KCNQ1: variants seen among roughly 807,000 people sequenced by gnomAD.
KCNQ1 encodes the protein potassium voltage-gated channel subfamily Q member 1.
Under a neutral mutation model 72.4 loss-of-function variants are expected in KCNQ1, and 49 were observed. The ratio of observed to expected loss-of-function variants is 0.68; its 90% CI spans 0.54 to 0.86. KCNQ1 has a LOEUF of 0.86. KCNQ1 is among the 40% of genes least tolerant of loss of function. The pLI is 0.00. For missense variants in KCNQ1, 790 were observed against 945.1 expected, an observed-to-expected ratio of 0.84 and a Z score of 2.15; for synonymous variants, 450 against 412.6, an observed-to-expected ratio of 1.09 and a Z score of -1.10.
Position 2,488,225 on chromosome 11 carries a change from A to C in KCNQ1, c.387-39703A>C, listed in dbSNP as rs186495140. 7.9e-5 allele frequency among the ~76,000 whole-genome samples: 12 copies of C among 152,340 alleles called. No individual in the cohort carries two copies. Among genetic ancestry groups the C allele is most frequent in the Admixed American group, 7.8e-4 (12 of 15,300 alleles). On this transcript the variant is annotated intron_variant, in intron 1 of 15. Transcript: ENST00000155840. This position sits in a 1 kb window ranked among gnomAD's most constrained non-coding sequence, Gnocchi z 5.1. ...TTCCAGGACTAAATCTCACATGGTC[A>C]TGATATGTAATACTTTAACTATGTT...
rs1359933226 is a variant in KCNQ1, at chr11:2,803,549, G to C, written c.1794+25512G>C. Among the ~76,000 whole-genome samples the C allele has an allele frequency of 6.6e-6, 1 of 152,130 alleles. No homozygotes were observed. The highest frequency in any genetic ancestry group is 1.5e-5 in the Non-Finnish European group (1 of 67,996). On this transcript the variant is annotated intron_variant, in intron 15 of 15. Transcript: ENST00000155840. The surrounding 1 kb of genome is among the most constrained non-coding windows in gnomAD (Gnocchi z 6.4). ...CTTTCTCCCTGCAGGCACTGGCAGAGCTGGGGGTGATGGGGCTTCAGTGGA... is the reference window on the plus strand; with the variant it reads ...CTTTCTCCCTGCAGGCACTGGCAGACCTGGGGGTGATGGGGCTTCAGTGGA...
chr11:2,691,353 C>G lies in KCNQ1; in HGVS notation c.1514+29272C>G, dbSNP rs894183690. On this transcript the variant is annotated intron_variant, in intron 11 of 15. Coordinates refer to ENST00000155840, the MANE Select transcript of KCNQ1 (RefSeq NM_000218.3). This position sits in a 1 kb window ranked among gnomAD's most constrained non-coding sequence, Gnocchi z 6.4. The stretch of plus-strand genomic sequence containing the variant: ...CACTGCACTTACAGTGACCACCCAT[C>G]CTGACATCTTGGGCTCAGGCCTCTG... The G allele has an allele frequency of 2.5e-6, 1 of 398,520 alleles. No homozygotes were observed. The highest frequency in any genetic ancestry group is 2.1e-5 in the African/African-American group (1 of 48,630). The allele number at this position is 398,520 out of a possible 1,614,324, so 24.7% of individuals were successfully genotyped here.
intron 1 of KCNQ1, among the ~76,000 whole-genome samples, chr11:2,490,764 C>T (rs780090773): frequency 1.1e-4 from 16 of 152,218 alleles, no homozygotes; most frequent in Non-Finnish European, 2.2e-4. Flanking sequence ...TCTCAGCTCA[C>T]CGCAACCTCT....
Position 2,670,478 on chromosome 11 carries a change from C to T in KCNQ1, c.1514+8397C>T, listed in dbSNP as rs544337311. On this transcript the variant is annotated intron_variant, in intron 11 of 15. Transcript: ENST00000155840. The surrounding 1 kb of genome is among the most constrained non-coding windows in gnomAD (Gnocchi z 4.9). The stretch of plus-strand genomic sequence containing the variant: ...CAGCCCACATCCTTGGTAGGTCCCT[C>T]AGAGAGCATCTAGTGGGCCTGTCCT... 35 of 397,406 alleles carry T rather than the reference C, an allele frequency of 8.8e-5. 1 individual carries two copies. Among genetic ancestry groups the T allele is most frequent in the African/African-American group, 7.3e-4 (35 of 48,272 alleles). The allele number at this position is 397,406 out of a possible 1,614,324, so 24.6% of individuals were successfully genotyped here. A position where few individuals can be genotyped will look rare whatever the true frequency, so the allele number is the denominator to read the frequency against.
At position 2,481,101 on chromosome 11, in the gene KCNQ1, G is replaced by A. The variant is rs1462505737; in HGVS notation, c.386+35617G>A. Among the ~76,000 whole-genome samples, 1 of 152,230 alleles carries A rather than the reference G, an allele frequency of 6.6e-6. No individual in the cohort carries two copies. The highest frequency in any genetic ancestry group is 1.5e-5 in the Non-Finnish European group (1 of 68,046). On this transcript the variant is annotated intron_variant, in intron 1 of 15. Transcript: ENST00000155840. This position sits in a 1 kb window ranked among gnomAD's most constrained non-coding sequence, Gnocchi z 4.6. ...TCACTCATAGCCACGAGAACGGGTG[G>A]TGGTCTCTTCTGCAGTGAACTGATG...
rs1250015474 is a variant in KCNQ1 at position 2,473,229 on chromosome 11, G to C, written c.386+27745G>C. On this transcript the variant is annotated intron_variant, in intron 1 of 15. Transcript: ENST00000155840. This position sits in a 1 kb window ranked among gnomAD's most constrained non-coding sequence, Gnocchi z 6.0. ...GAGAAGGGGTGGGGCTGGCAGGGAG[G>C]GGGCTCCATTAATTCTGATGTCATT... Among the ~76,000 whole-genome samples, 1 of 152,106 alleles carries C rather than the reference G, an allele frequency of 6.6e-6. No individual in the cohort carries two copies. Among genetic ancestry groups the C allele is most frequent in the Non-Finnish European group, 1.5e-5 (1 of 68,020 alleles).
chr11:2,825,357 C>T (rs1847817728), intron 15 of KCNQ1, among the ~76,000 whole-genome samples: 1 of 152,200 alleles, frequency 6.6e-6, no homozygotes, highest in Non-Finnish European at 1.5e-5. Flanking sequence ...GCCTGCTCAG[C>T]TCAGTGTCCT....
At chr11:2,667,199 C>T (rs990974141) in intron 11 of KCNQ1, 2 of 398,614 alleles carry the variant, frequency 5.0e-6, no homozygotes, top group Non-Finnish European at 8.8e-6. Context: ...TGTGGCGGCC[C>T]CCCGTGGCCC....
In KCNQ1 at chr11:2,803,160, C is replaced by CA. The variant is rs1847305524; in HGVS notation, c.1794+25123_1794+25124insA. On this transcript the variant is annotated intron_variant, in intron 15 of 15. Coordinates refer to ENST00000155840, the MANE Select transcript of KCNQ1 (RefSeq NM_000218.3). The surrounding 1 kb of genome is among the most constrained non-coding windows in gnomAD (Gnocchi z 6.4). ...GCCCAGAAAACCCAGCCGGGCCCCC[C>CA]CCCCCACGGGCACCCAGGAACCGCC... 1.4e-5 allele frequency among the ~76,000 whole-genome samples: 2 copies of CA among 143,132 alleles called. No homozygotes were observed. Among genetic ancestry groups the CA allele is most frequent in the East Asian group, 2.1e-4 (1 of 4,838 alleles). The allele number at this position is 143,132 out of a possible 152,430, so 93.9% of individuals were successfully genotyped here.
intron 10 of KCNQ1, among the ~76,000 whole-genome samples, chr11:2,591,494 G>A (rs1256418182): frequency 6.6e-6 from 1 of 152,360 alleles, no homozygotes; most frequent in Non-Finnish European, 1.5e-5. Flanking sequence ...CCACAGCTCC[G>A]GATTCAGGGC....
chr11:2,571,950 A>G (rs979194548), intron 4 of KCNQ1, 63 bp from the exon 5 acceptor site: 6 of 1,421,818 alleles, frequency 4.2e-6, no homozygotes, highest in Non-Finnish European at 5.9e-6. Flanking sequence ...GGCCAGCCCT[A>G]GGCCCGGCGT....
intron 15 of KCNQ1, among the ~76,000 whole-genome samples, chr11:2,819,231 C>T (rs1310051155): frequency 1.3e-5 from 2 of 152,232 alleles, no homozygotes; most frequent in African/African-American, 4.8e-5. Flanking sequence ...GGAGGACAGA[C>T]AATGACAGAG....
chr11:2,575,689 C>T (rs539014460), intron 6 of KCNQ1, among the ~76,000 whole-genome samples: 6 of 152,354 alleles, frequency 3.9e-5, no homozygotes, highest in African/African-American at 1.4e-4. Flanking sequence ...TCGGGGCTGC[C>T]ACAGGCCCTT....
rs1849176827 is a variant in KCNQ1 at position 2,621,804 on chromosome 11, ATTCT to A, written c.1393+32953_1393+32956del. The A allele has an allele frequency of 1.3e-5, 5 of 398,168 alleles. No homozygotes were observed. Among genetic ancestry groups the A allele is most frequent in the African/African-American group, 8.2e-5 (4 of 48,598 alleles). The allele number at this position is 398,168 out of a possible 1,614,324, so 24.7% of individuals were successfully genotyped here. On this transcript the variant is annotated intron_variant, in intron 10 of 15. Transcript: ENST00000155840. This position sits in a 1 kb window ranked among gnomAD's most constrained non-coding sequence, Gnocchi z 5.7. ...TGTTGATTTTATTTTTCAAAAATCA[ATTCT>A]TTGTTTCAAAAATTGAAGTCTTAGT...
At chr11:2,577,695 C>T (rs771082434) in intron 6 of KCNQ1, among the ~76,000 whole-genome samples, 1 of 152,198 alleles carries the variant, frequency 6.6e-6, no homozygotes, top group Non-Finnish European at 1.5e-5. Context: ...CTTGTTCCCC[C>T]ACCCCCACCT....
rs1176211642 is a variant in KCNQ1, at chr11:2,679,355, C to T, written c.1514+17274C>T. The stretch of plus-strand genomic sequence containing the variant: ...TAATTCCACTACTTTCTACCTGCTA[C>T]ACCTTGAGTGAGTCACTTAGTCTCA... On this transcript the variant is annotated intron_variant, in intron 11 of 15. Coordinates refer to ENST00000155840, the MANE Select transcript of KCNQ1 (RefSeq NM_000218.3). This position sits in a 1 kb window ranked among gnomAD's most constrained non-coding sequence, Gnocchi z 4.8. 2.3e-5 allele frequency: 9 copies of T among 398,542 alleles called. No individual in the cohort carries two copies. The highest frequency in any genetic ancestry group is 1.3e-4 in the South Asian group (1 of 7,866). The allele number at this position is 398,542 out of a possible 1,614,324, so 24.7% of individuals were successfully genotyped here.
chr11:2,669,213 T>C lies in KCNQ1; in HGVS notation c.1514+7132T>C. 7.5e-6 allele frequency: 3 copies of C among 398,756 alleles called. No individual in the cohort carries two copies. The highest frequency in any genetic ancestry group is 1.3e-5 in the Non-Finnish European group (3 of 226,132). 24.7% of individuals were successfully genotyped at this position (398,756 alleles called of 1,614,324 possible). On this transcript the variant is annotated intron_variant, in intron 11 of 15. Transcript: ENST00000155840. This position sits in a 1 kb window ranked among gnomAD's most constrained non-coding sequence, Gnocchi z 5.6. ...TCTCACTGTAGTTTGCTAACAGGTT[T>C]TGACAGCTGGTCCTGCTGGCTCTGG...
chr11:2,799,813 G>A (rs976314410), intron 15 of KCNQ1, among the ~76,000 whole-genome samples: 6 of 152,326 alleles, frequency 3.9e-5, no homozygotes, highest in Middle Eastern at 3.4e-3. Context: ...TGTACAGAGT[G>A]GAAATGAGTC....
chr11:2,712,567 C>G lies in KCNQ1; in HGVS notation c.1514+50486C>G, dbSNP rs1165373360. The stretch of plus-strand genomic sequence containing the variant: ...CCCAGCTGAATGCATGCTGGCGGCC[C>G]AAATGTTAGACACTCTTCTCTCTTA... On this transcript the variant is annotated intron_variant, in intron 11 of 15. Coordinates refer to ENST00000155840, the MANE Select transcript of KCNQ1 (RefSeq NM_000218.3). This position sits in a 1 kb window ranked among gnomAD's most constrained non-coding sequence, Gnocchi z 6.4. 4.6e-5 allele frequency among the ~76,000 whole-genome samples: 7 copies of G among 152,250 alleles called. No individual in the cohort carries two copies. Among genetic ancestry groups the G allele is most frequent in the South Asian group, 2.1e-4 (1 of 4,826 alleles).
Sources: allele counts gnomAD v4.1 joint callset (sites outside exome capture counted in the v4.1 genomes callset), GRCh38; gene constraint gnomAD v4.1.1; non-coding constraint Gnocchi (gnomAD v3.1); transcripts MANE v1.5; gene names NCBI Gene and HGNC (gene_info 2026-07-23, HGNC 2026-07-21).